ZDHHC18: variants seen among roughly 807,000 people sequenced by gnomAD.
ZDHHC18 encodes the protein palmitoyltransferase ZDHHC18.
A neutral mutation model predicts 37.5 loss-of-function variants in ZDHHC18; 23 were observed. The observed-to-expected ratio is 0.61, with a 90% CI of 0.44 to 0.87. ZDHHC18 has a LOEUF of 0.87. Among genes scored for constraint, ZDHHC18 ranks in the 40% least tolerant of loss-of-function variants. The pLI, the probability that ZDHHC18 is intolerant of heterozygous loss-of-function variation, is 0.00. For synonymous variants in ZDHHC18, 185 were observed against 218.7 expected, an observed-to-expected ratio of 0.85 and a Z score of 1.36; for missense variants, 406 against 525.6, an observed-to-expected ratio of 0.77 and a Z score of 2.22.
chr1:26,836,412 C>A (rs1471381391), intron 2 of ZDHHC18, among the ~76,000 whole-genome samples: 3 of 152,072 alleles, frequency 2.0e-5, no homozygotes, highest in African/African-American at 7.2e-5. Context: ...TCCAAGATCC[C>A]AAATTTGTTC....
In ZDHHC18 at chr1:26,842,149, AAG is replaced by A. The variant is rs199852583; in HGVS notation, c.497-6445_497-6444del. Among the ~76,000 whole-genome samples, 315 of 149,752 alleles carry A rather than the reference AAG, an allele frequency of 2.1e-3. 4 individuals are homozygous for A. The highest frequency in any genetic ancestry group is 3.2e-3 in the African/African-American group (128 of 40,616). On this transcript the variant is annotated intron_variant, in intron 2 of 7. Coordinates refer to ENST00000374142, the MANE Select transcript of ZDHHC18 (RefSeq NM_032283.3). ...ACTCCATCTCAAAAAAAAAAAAAAAAAGAGAGAGAGAGAGACAGGGTCCGCCT... is the reference window on the plus strand; with the variant it reads ...ACTCCATCTCAAAAAAAAAAAAAAAAAGAGAGAGAGAGACAGGGTCCGCCT...
intron 2 of ZDHHC18, among the ~76,000 whole-genome samples, chr1:26,847,174 T>C (rs12404431): frequency 6.6e-6 from 1 of 152,102 alleles, no homozygotes; most frequent in Admixed American, 6.6e-5. Context: ...GGGTTACAGA[T>C]GTGAGCCACC....
intron 1 of ZDHHC18, among the ~76,000 whole-genome samples, chr1:26,831,569 C>G (rs549007960): frequency 1.6e-4 from 25 of 152,334 alleles, no homozygotes; most frequent in African/African-American, 5.8e-4. Flanking sequence ...GATAGCTTCA[C>G]TATCATGAAG....
At chr1:26,842,028 A>G (rs1230003294) in intron 2 of ZDHHC18, among the ~76,000 whole-genome samples, 1 of 151,916 alleles carries the variant, frequency 6.6e-6, no homozygotes, top group Non-Finnish European at 1.5e-5. Context: ...CCAGCTACCC[A>G]GGAGGCTGAG....
At chr1:26,851,720 C>T (rs888530363) in intron 6 of ZDHHC18, among the ~76,000 whole-genome samples, 23 of 152,242 alleles carry the variant, frequency 1.5e-4, no homozygotes, top group African/African-American at 5.3e-4. Context: ...TGCGCTCCCT[C>T]TTCCACACTG....
Position 26,850,514 on chromosome 1 carries a change from C to T in ZDHHC18, c.785-44C>T, listed in dbSNP as rs761867911. ...TCAAGGGTCAGCAAGCTTCAGCAGT[C>T]ACTGTCCCTCTGAGCTTGTCCTCTC... is the stretch of plus-strand genomic sequence containing the variant. On this transcript the variant is annotated intron_variant, in intron 4 of 7. Transcript: ENST00000374142. The surrounding 1 kb of genome is among the most constrained non-coding windows in gnomAD (Gnocchi z 6.1). The T allele has an allele frequency of 1.2e-6, 2 of 1,614,204 alleles. No homozygotes were observed. Among genetic ancestry groups the T allele is most frequent in the Non-Finnish European group, 1.7e-6 (2 of 1,180,014 alleles).
At chr1:26,827,489 C>A (rs1454182313) in intron 1 of ZDHHC18, among the ~76,000 whole-genome samples, 3 of 152,100 alleles carry the variant, frequency 2.0e-5, no homozygotes, top group Non-Finnish European at 4.4e-5. Flanking sequence ...GCTGCCCTCT[C>A]AGAACCTGCC....
At chr1:26,852,175 T>C (rs971709224) in intron 6 of ZDHHC18, among the ~76,000 whole-genome samples, 2 of 152,028 alleles carry the variant, frequency 1.3e-5, no homozygotes, top group African/African-American at 4.8e-5. Flanking sequence ...TTACCAGAGG[T>C]TAAAGAGAAA....
At chr1:26,849,886 G>GC (rs2081693267) in intron 3 of ZDHHC18, among the ~76,000 whole-genome samples, 1 of 152,190 alleles carries the variant, frequency 6.6e-6, no homozygotes, top group African/African-American at 2.4e-5. Flanking sequence ...GACCAGCACA[G>GC]CCCCCCTCGC....
chr1:26,828,464 C>G (rs908644596), intron 1 of ZDHHC18, among the ~76,000 whole-genome samples: 1 of 151,930 alleles, frequency 6.6e-6, no homozygotes, highest in Non-Finnish European at 1.5e-5. Flanking sequence ...CACATGCAAG[C>G]TTTTAGCCCA....
intron 2 of ZDHHC18, among the ~76,000 whole-genome samples, chr1:26,836,186 A>G (rs1211601411): frequency 6.6e-6 from 1 of 152,162 alleles, no homozygotes; most frequent in Non-Finnish European, 1.5e-5. Flanking sequence ...CAAGTGACAG[A>G]TGCTCACTTA....
chr1:26,828,187 ACACT>A (rs1187452237), intron 1 of ZDHHC18, among the ~76,000 whole-genome samples: 3 of 150,830 alleles, frequency 2.0e-5, no homozygotes, highest in Admixed American at 6.6e-5. Flanking sequence ...CCTTGCACAC[ACACT>A]CACACGCCCA....
intron 2 of ZDHHC18, 73 bp from the exon 3 acceptor site, chr1:26,848,535 G>C: frequency 6.4e-7 from 1 of 1,564,420 alleles, no homozygotes; most frequent in Non-Finnish European, 8.7e-7. Context: ...GGCAGCAGTA[G>C]CTTTCCCCTG....
At chr1:26,840,344 T>C (rs2081631588) in intron 2 of ZDHHC18, among the ~76,000 whole-genome samples, 1 of 152,266 alleles carries the variant, frequency 6.6e-6, no homozygotes. Flanking sequence ...CTGATATTTG[T>C]TAAGCCCTTG....
At chr1:26,842,126 TC>T (rs2124258325) in intron 2 of ZDHHC18, among the ~76,000 whole-genome samples, 1 of 134,884 alleles carries the variant, frequency 7.4e-6, no homozygotes, top group South Asian at 2.3e-4. Context: ...AGAGCGAGAC[TC>T]CATCTCAAAA....
rs993029294 is a variant in ZDHHC18 at position 26,857,422 on chromosome 1, C to T, written c.*3579C>T. ...TAGGATGTAGGGAGGGTGCGTGCCT[C>T]CTTTGCTCTAGGCACTGAGGGACCA... On this transcript the variant is annotated 3_prime_UTR_variant, in exon 8 of 8. Transcript: ENST00000374142. 1 of 152,274 alleles carries T rather than the reference C, an allele frequency of 6.6e-6. No individual in the cohort carries two copies. The highest frequency in any genetic ancestry group is 2.1e-4 in the South Asian group (1 of 4,838). The allele number at this position is 152,274 out of a possible 1,614,324, so 9.4% of individuals were successfully genotyped here.
rs1334919795 is a variant in ZDHHC18, at chr1:26,832,575, T to C, written c.464T>C (p.Val155Ala). The C allele has an allele frequency of 6.2e-7, 1 of 1,614,060 alleles. No homozygotes were observed. Among genetic ancestry groups the C allele is most frequent in the African/African-American group, 1.3e-5 (1 of 74,926 alleles). The change falls in exon 2 of 8, where the codon GTC (valine) becomes GCC (alanine). Residue 155 changes from valine (V) to alanine (A), a missense_variant. Val to Ala is a moderately conservative substitution (Grantham distance 64, BLOSUM62 0). Transcript: ENST00000374142. ...TDPGILPRAT[V>A]CEAAALEKQI... The stretch of plus-strand genomic sequence containing the variant: ...CCTGGGATCCTGCCCCGGGCCACTG[T>C]CTGTGAAGCAGCCGCCCTGGAGAAA...
In ZDHHC18 at chr1:26,855,364, G is replaced by C. The variant is rs1320539656; in HGVS notation, c.*1521G>C. 6.6e-6 allele frequency: 1 copy of C among 152,588 alleles called. No homozygotes were observed. The highest frequency in any genetic ancestry group is 1.5e-5 in the Non-Finnish European group (1 of 68,084). 9.5% of individuals were successfully genotyped at this position (152,588 alleles called of 1,614,324 possible). A position where few individuals can be genotyped will look rare whatever the true frequency, so the allele number is the denominator to read the frequency against. On this transcript the variant is annotated 3_prime_UTR_variant, in exon 8 of 8. Coordinates refer to ENST00000374142, the MANE Select transcript of ZDHHC18 (RefSeq NM_032283.3). The stretch of plus-strand genomic sequence containing the variant: ...GGCCTGAGTCTGGGCCGGAAACTCA[G>C]AGGATGTTTCTCCTCTGCTGGGAGC...
Position 26,856,095 on chromosome 1 carries a change from G to A in ZDHHC18, c.*2252G>A, listed in dbSNP as rs1205371185. 1 of 412,696 alleles carries A rather than the reference G, an allele frequency of 2.4e-6. No homozygotes were observed. Among genetic ancestry groups the A allele is most frequent in the Admixed American group, 2.5e-5 (1 of 40,638 alleles). The allele number at this position is 412,696 out of a possible 1,614,324, so 25.6% of individuals were successfully genotyped here. On this transcript the variant is annotated 3_prime_UTR_variant, in exon 8 of 8. Transcript: ENST00000374142. This position sits in a 1 kb window ranked among gnomAD's most constrained non-coding sequence, Gnocchi z 5.2. ...ACAGTAGATTCCAGTTTGAGAGCCGGAGCTTCCCTGGCTACCACCTCCAAC... is the reference window on the plus strand; with the variant it reads ...ACAGTAGATTCCAGTTTGAGAGCCGAAGCTTCCCTGGCTACCACCTCCAAC...
Sources: gnomAD v4.1 joint callset for allele counts (sites outside exome capture counted in the v4.1 genomes callset) on GRCh38, gnomAD v4.1.1 for gene constraint, Gnocchi (gnomAD v3.1) non-coding constraint, MANE v1.5 for transcripts, NCBI Gene and HGNC (gene_info 2026-07-23, HGNC 2026-07-21) for gene names.